The following AKAP19 variants were observed in gnomAD, a reference collection of about 807,000 sequenced individuals.
AKAP19 encodes A-kinase anchoring protein 19.
chr2:190,093,258 ACT>A, the AKAP19 span, among the ~76,000 whole-genome samples: 8 of 75,558 alleles, frequency 1.1e-4, no homozygotes, highest in African/African-American at 1.9e-4. Flanking sequence ...CCCCGTCTCT[ACT>A]AAAAAAAAAA....
At chr2:189,890,498 T>TC in the AKAP19 span, among the ~76,000 whole-genome samples, 1 of 152,182 alleles carries the variant, frequency 6.6e-6, no homozygotes, top group African/African-American at 2.4e-5. Context: ...CTTGTTGATC[T>TC]ATCTAATATT....
chr2:189,921,504 G>A, the AKAP19 span, among the ~76,000 whole-genome samples: 200 of 152,232 alleles, frequency 1.3e-3, 1 homozygote, highest in African/African-American at 4.5e-3. Context: ...GGAGGTGAGG[G>A]ATTAAAGGCA....
chr2:190,062,652 C>A, the AKAP19 span: 2 of 1,570,270 alleles, frequency 1.3e-6, no homozygotes, highest in East Asian at 2.3e-5. Context: ...TTTTACTTTT[C>A]TTTTGCTTTT....
chr2:190,200,642 TG>T, the AKAP19 span: 2 of 172,114 alleles, frequency 1.2e-5, no homozygotes, highest in African/African-American at 2.4e-5. Context: ...CTCTACTTCT[TG>T]ACACAAATGA....
chr2:189,955,857 A>C, the AKAP19 span, among the ~76,000 whole-genome samples: 1 of 152,200 alleles, frequency 6.6e-6, no homozygotes. Flanking sequence ...AGGGTTGTTT[A>C]AAAACCAAAT....
the AKAP19 span, among the ~76,000 whole-genome samples, chr2:190,093,908 C>T: frequency 1.3e-4 from 20 of 152,318 alleles, no homozygotes; most frequent in Middle Eastern, 3.4e-3. Context: ...AGTCTACTCA[C>T]CCACTCACCT....
chr2:190,078,754 A>C, the AKAP19 span, among the ~76,000 whole-genome samples: 5 of 152,114 alleles, frequency 3.3e-5, no homozygotes, highest in Non-Finnish European at 7.4e-5. Context: ...AAATTTTTAA[A>C]TATGCCGTTG....
chr2:190,062,825 G>T, the AKAP19 span: 5 of 490,954 alleles, frequency 1.0e-5, no homozygotes, highest in African/African-American at 5.9e-5. Context: ...AATGAATCTC[G>T]CTGTCAGAGG....
At chr2:189,980,918 T>C in the AKAP19 span, among the ~76,000 whole-genome samples, 18 of 152,356 alleles carry the variant, frequency 1.2e-4, no homozygotes, top group East Asian at 3.5e-3. Context: ...TTTGAATTTA[T>C]TGAGACTTCC....
At chr2:190,052,962 CATTTT>C in the AKAP19 span, among the ~76,000 whole-genome samples, 1 of 152,088 alleles carries the variant, frequency 6.6e-6, no homozygotes, top group Non-Finnish European at 1.5e-5. Flanking sequence ...AATAAAATGA[CATTTT>C]ATTAAAGTTG....
At chr2:190,132,123 G>A in the AKAP19 span, among the ~76,000 whole-genome samples, 10 of 152,062 alleles carry the variant, frequency 6.6e-5, no homozygotes, top group Non-Finnish European at 1.2e-4. Flanking sequence ...ACTGTACACC[G>A]AAAGCTATAA....
At chr2:189,973,740 C>G in the AKAP19 span, among the ~76,000 whole-genome samples, 2 of 152,124 alleles carry the variant, frequency 1.3e-5, no homozygotes, top group South Asian at 4.2e-4. Context: ...GAATTTATCC[C>G]TTTCTTCTAG....
the AKAP19 span, among the ~76,000 whole-genome samples, chr2:190,166,052 T>C: frequency 6.6e-6 from 1 of 152,062 alleles, no homozygotes; most frequent in African/African-American, 2.4e-5. Flanking sequence ...AATGATGTAC[T>C]AACTGCAGAA....
At chr2:190,014,957 T>G in the AKAP19 span, among the ~76,000 whole-genome samples, 3 of 152,220 alleles carry the variant, frequency 2.0e-5, no homozygotes, top group African/African-American at 7.2e-5. Flanking sequence ...TGGGCTCCCA[T>G]GGGCTCAGGC....
the AKAP19 span, among the ~76,000 whole-genome samples, chr2:190,173,032 T>C: frequency 1.3e-5 from 2 of 151,914 alleles, no homozygotes; most frequent in Non-Finnish European, 2.9e-5. Context: ...GGAGAATCAC[T>C]TGAACCCGGG....
At chr2:189,970,413 TA>T in the AKAP19 span, among the ~76,000 whole-genome samples, 2 of 152,198 alleles carry the variant, frequency 1.3e-5, no homozygotes, top group Non-Finnish European at 2.9e-5. Flanking sequence ...AGAATACTTT[TA>T]TTAGTTATTT....
chr2:189,965,763 T>C, the AKAP19 span, among the ~76,000 whole-genome samples: 2 of 152,070 alleles, frequency 1.3e-5, no homozygotes, highest in African/African-American at 4.8e-5. Flanking sequence ...GAACTAAAAG[T>C]AGAACTATAA....
chr2:190,119,397 C>T, the AKAP19 span, among the ~76,000 whole-genome samples: 1 of 152,178 alleles, frequency 6.6e-6, no homozygotes, highest in South Asian at 2.1e-4. Context: ...TTTGACTAGG[C>T]ATGTCATTCA....
chr2:190,072,233 C>A, the AKAP19 span, among the ~76,000 whole-genome samples: 1 of 151,848 alleles, frequency 6.6e-6, no homozygotes, highest in Non-Finnish European at 1.5e-5. Context: ...ATAAAGATAG[C>A]AAAATAGACA....
Sources: allele counts gnomAD v4.1 joint callset (sites outside exome capture counted in the v4.1 genomes callset), GRCh38; gene constraint gnomAD v4.1.1; transcripts MANE v1.5; gene names NCBI Gene and HGNC (gene_info 2026-07-23, HGNC 2026-07-21).